Variants in SH3YL1 observed in about 807,000 individuals in gnomAD.
SH3YL1 encodes SH3 domain-containing YSC84-like protein 1.
Under a neutral mutation model 45.8 loss-of-function variants are expected in SH3YL1, and 41 were observed. The ratio of observed to expected loss-of-function variants is 0.89; its 90% confidence interval spans 0.70 to 1.16. SH3YL1 has a LOEUF of 1.16. Ranked by LOEUF, SH3YL1 falls within the 50% of genes most tolerant of loss-of-function variation. The pLI is 0.00. For synonymous variants in SH3YL1, 152 were observed against 151.4 expected, an observed-to-expected ratio of 1.00 and a Z score of -0.03; for missense variants, 389 against 409.6, an observed-to-expected ratio of 0.95 and a Z score of 0.43.
chr2:243,269 T>A (rs750812076), intron 4 of SH3YL1, among the ~76,000 whole-genome samples: 1 of 152,166 alleles, frequency 6.6e-6, no homozygotes, highest in African/African-American at 2.4e-5. Flanking sequence ...CAAAAGTCTA[T>A]ATTTGAGGCC....
At chr2:235,425 T>TGGGC (rs1668248554) in intron 4 of SH3YL1, among the ~76,000 whole-genome samples, 18 of 21,318 alleles carry the variant, frequency 8.4e-4, no homozygotes, top group African/African-American at 2.7e-3. Flanking sequence ...GCAGCATGGG[T>TGGGC]CAGGGGAGGC....
At chr2:233,309 A>G in intron 5 of SH3YL1, 80 bp from the exon 6 acceptor site, 14 of 1,321,040 alleles carry the variant, frequency 1.1e-5, no homozygotes, top group Non-Finnish European at 9.9e-6. Flanking sequence ...CACTCCTTCT[A>G]GCTCAAATGA....
rs35468551 is a variant in SH3YL1 at position 242,732 on chromosome 2, TAAC to T, written c.291+4803_291+4805del. On this transcript the variant is annotated intron_variant, in intron 4 of 9. Transcript: ENST00000356150. ...ATTATTAGCATGGATAAAACAACAA[TAAC>T]AACAACAACAACAACATCCAATTAT... 4.9e-4 allele frequency: 692 copies of T among 1,403,496 alleles called. 15 individuals are homozygous for T. The South Asian group carries it at 9.3e-3, about 19-fold the overall frequency. The allele number at this position is 1,403,496 out of a possible 1,614,324, so 86.9% of individuals were successfully genotyped here.
intron 4 of SH3YL1, chr2:243,405 T>G (rs1314958796): frequency 1.7e-6 from 2 of 1,200,240 alleles, no homozygotes; most frequent in African/African-American, 1.6e-5. Flanking sequence ...ATGTGGACAT[T>G]AAGCAACACA....
chr2:253,165 T>G, intron 1 of SH3YL1, 50 bp from the exon 2 acceptor site: 1 of 1,038,426 alleles, frequency 9.6e-7, no homozygotes, highest in Non-Finnish European at 1.4e-6. Flanking sequence ...TAAATAGAAG[T>G]GAGAAATTTA....
intron 3 of SH3YL1, 94 bp from the exon 4 acceptor site, chr2:247,696 C>A: frequency 3.4e-6 from 3 of 893,644 alleles, no homozygotes; most frequent in Non-Finnish European, 5.1e-6. Flanking sequence ...AAGAGTGCTT[C>A]TATTGAAAAT....
chr2:218,512 C>T lies in SH3YL1; in HGVS notation c.*299G>A, dbSNP rs902748100. Reference sequence around the variant, plus strand: ...AGATTCTCAAATTAAAACACAGCTACCATATACATGGCCAGATCAAATGCT... The same window carrying T: ...AGATTCTCAAATTAAAACACAGCTATCATATACATGGCCAGATCAAATGCT... On this transcript the variant is annotated 3_prime_UTR_variant, in exon 10 of 10. Coordinates refer to ENST00000356150, the MANE Select transcript of SH3YL1 (RefSeq NM_015677.4). 1 of 236,320 alleles carries T rather than the reference C, an allele frequency of 4.2e-6. No individual in the cohort carries two copies. The highest frequency in any genetic ancestry group is 5.4e-5 in the Admixed American group (1 of 18,496). 14.6% of individuals were successfully genotyped at this position (236,320 alleles called of 1,614,324 possible). A position where few individuals can be genotyped will look rare whatever the true frequency, so the allele number is the denominator to read the frequency against.
intron 4 of SH3YL1, chr2:244,659 G>GC (rs1350306626): frequency 2.6e-5 from 4 of 152,130 alleles, no homozygotes; most frequent in African/African-American, 9.7e-5. Context: ...GTGCTTGAAA[G>GC]GAAAACCCTG....
At chr2:249,490 C>T (rs2103047380) in intron 3 of SH3YL1, among the ~76,000 whole-genome samples, 1 of 152,284 alleles carries the variant, frequency 6.6e-6, no homozygotes, top group South Asian at 2.1e-4. Context: ...GCATGCAAAA[C>T]AAAGTTATAT....
intron 3 of SH3YL1, among the ~76,000 whole-genome samples, chr2:249,132 G>A (rs770587862): frequency 1.7e-4 from 26 of 152,162 alleles, no homozygotes; most frequent in Non-Finnish European, 2.9e-4. Flanking sequence ...TGACACACCT[G>A]TGTCCATTTT....
chr2:264,675 C>G (rs1217959939), upstream of SH3YL1: 2 of 369,680 alleles, frequency 5.4e-6, no homozygotes, highest in African/African-American at 4.4e-5. Flanking sequence ...GTGACCCCAC[C>G]CCCGCAGCTC....
intron 7 of SH3YL1, 35 bp downstream of exon 7, chr2:230,988 G>A (rs1668010923): frequency 6.2e-7 from 1 of 1,604,702 alleles, no homozygotes; most frequent in African/African-American, 1.3e-5. Context: ...GAGATTTTCT[G>A]AGAATACTGA....
chr2:254,180 T>C (rs893610035), intron 1 of SH3YL1, among the ~76,000 whole-genome samples: 3 of 152,222 alleles, frequency 2.0e-5, no homozygotes, highest in Non-Finnish European at 2.9e-5. Context: ...CTGTAGACTT[T>C]CTGATGAGTA....
At chr2:220,573 C>T (rs1357119192) in intron 9 of SH3YL1, among the ~76,000 whole-genome samples, 1 of 152,236 alleles carries the variant, frequency 6.6e-6, no homozygotes, top group Admixed American at 6.5e-5. Flanking sequence ...TTAAATTCTA[C>T]ACGTTAATGA....
chr2:227,564 TAAC>T (rs1469381175), intron 8 of SH3YL1, among the ~76,000 whole-genome samples: 3 of 152,004 alleles, frequency 2.0e-5, no homozygotes, highest in Non-Finnish European at 4.4e-5. Flanking sequence ...AACCAACAAA[TAAC>T]AAATAAATAA....
rs764609684 is a variant in SH3YL1, at chr2:234,244, T to C, written c.320A>G (p.Tyr107Cys). 6.2e-7 allele frequency: 1 copy of C among 1,614,016 alleles called. No homozygotes were observed. The highest frequency in any genetic ancestry group is 1.1e-5 in the South Asian group (1 of 91,030). ...EVSDLVIILNYDRAVEAFAKG... is the reference protein window; with the variant it reads ...EVSDLVIILNCDRAVEAFAKG... ...TGCAAAAGCTTCTACAGCACGGTCATAATTCAGAATTATCACCAAGTCTGA... is the reference window on the plus strand; with the variant it reads ...TGCAAAAGCTTCTACAGCACGGTCACAATTCAGAATTATCACCAAGTCTGA... Residue 107 changes from tyrosine to cysteine, a missense_variant, in exon 5 of 10, where the codon TAT (tyrosine) becomes TGT (cysteine). Transcript: ENST00000356150.
chr2:231,413 T>C (rs1362037472), intron 6 of SH3YL1, among the ~76,000 whole-genome samples: 2 of 152,210 alleles, frequency 1.3e-5, no homozygotes, highest in Admixed American at 6.5e-5. Context: ...TATCCTTATA[T>C]GTATCCTTTC....
chr2:224,564 A>G (rs1002471162), intron 9 of SH3YL1, among the ~76,000 whole-genome samples: 4 of 152,288 alleles, frequency 2.6e-5, no homozygotes, highest in African/African-American at 9.6e-5. Flanking sequence ...CACTCCCTAC[A>G]CAGATAACAC....
chr2:246,433 A>G (rs957435684), intron 4 of SH3YL1, among the ~76,000 whole-genome samples: 7 of 152,140 alleles, frequency 4.6e-5, no homozygotes, highest in Non-Finnish European at 8.8e-5. Context: ...TGAGTCTCTC[A>G]TCATTTTTGA....
Sources: gnomAD v4.1 joint callset for allele counts (sites outside exome capture counted in the v4.1 genomes callset) on GRCh38, gnomAD v4.1.1 for gene constraint, MANE v1.5 for transcripts, NCBI Gene and HGNC (gene_info 2026-07-23, HGNC 2026-07-21) for gene names.